The following PLAGL1 variants were observed in gnomAD, a reference collection of about 807,000 sequenced individuals.
PLAGL1 encodes the protein PLAG1 like zinc finger 1.
A neutral mutation model predicts 4.6 loss-of-function variants in PLAGL1; 1 was observed. That is an observed-to-expected ratio of 0.22 (90% confidence interval 0.08 to 1.03). The LOEUF is 1.03. PLAGL1 is among the 50% of genes least tolerant of loss of function. The pLI is 0.58. For synonymous variants in PLAGL1, 240 were observed against 237.8 expected (o/e 1.01, Z -0.08); for missense variants, 464 against 570.4 (o/e 0.81, Z 1.90).
Position 144,022,162 on chromosome 6 carries a change from A to G in PLAGL1, c.-151+42306T>C, listed in dbSNP as rs1361232877. Among the ~76,000 whole-genome samples the G allele has an allele frequency of 3.9e-5, 6 of 152,162 alleles. No individual in the cohort carries two copies. Among genetic ancestry groups the G allele is most frequent in the Non-Finnish European group, 7.3e-5 (5 of 68,044 alleles). On this transcript the variant is annotated intron_variant, in intron 1 of 3. Transcript: ENST00000437412. The surrounding 1 kb of genome is among the most constrained non-coding windows in gnomAD (Gnocchi z 4.2). ...ATCACATATCTGAGAAATAACTTAT[A>G]TTAAATATACAAAGAACACTTAAAA...
At chr6:144,032,043 TTTTCCCCTTTACCTA>T (rs1169719551) in intron 1 of PLAGL1, among the ~76,000 whole-genome samples, 2 of 152,158 alleles carry the variant, frequency 1.3e-5, no homozygotes, top group Admixed American at 1.3e-4. Flanking sequence ...CATGATGACC[TTTTCCCCTTTACCTA>T]TTTGGGCACA....
chr6:143,941,625 G>C lies in PLAGL1; in HGVS notation c.1191C>G (p.Thr397=). The C allele has an allele frequency of 6.2e-7, 1 of 1,614,040 alleles. No individual in the cohort carries two copies. The highest frequency in any genetic ancestry group is 8.5e-7 in the Non-Finnish European group (1 of 1,179,914). ...WQLPPPATQN[T]FGNSTLALGP... is the part of the protein sequence containing the mutation. Reference sequence around the variant, plus strand: ...CCAGGGCAAGAGTGCTATTCCCAAAGGTATTTTGGGTAGCAGGAGGGGGCA... The same window carrying C: ...CCAGGGCAAGAGTGCTATTCCCAAACGTATTTTGGGTAGCAGGAGGGGGCA... Residue 397 remains threonine, a synonymous_variant, in exon 8 of 8, where the codon ACC becomes ACG. Coordinates refer to ENST00000674357, the MANE Select transcript of PLAGL1 (RefSeq NM_001317162.2). This position sits in a 1 kb window ranked among gnomAD's most constrained non-coding sequence, Gnocchi z 6.0.
rs767555470 is a variant in PLAGL1, at chr6:143,990,777, G to A, written c.-583-5603C>T. ...AGGATATTAAAGACTTCATCTTCCCGGGACCCAACCCCTCTTTCCTCCCTT... is the reference window on the plus strand; with the variant it reads ...AGGATATTAAAGACTTCATCTTCCCAGGACCCAACCCCTCTTTCCTCCCTT... On this transcript the variant is annotated intron_variant, in intron 1 of 7. Coordinates refer to ENST00000674357, the MANE Select transcript of PLAGL1 (RefSeq NM_001317162.2). This position sits in a 1 kb window ranked among gnomAD's most constrained non-coding sequence, Gnocchi z 5.4. 2.6e-5 allele frequency among the ~76,000 whole-genome samples: 4 copies of A among 152,128 alleles called. No individual in the cohort carries two copies. Among genetic ancestry groups the A allele is most frequent in the African/African-American group, 7.2e-5 (3 of 41,418 alleles).
In PLAGL1 at chr6:143,964,474, C is replaced by T. The variant is rs962123033; in HGVS notation, c.-399+313G>A. 6.6e-6 allele frequency among the ~76,000 whole-genome samples: 1 copy of T among 152,150 alleles called. No homozygotes were observed. Among genetic ancestry groups the T allele is most frequent in the African/African-American group, 2.4e-5 (1 of 41,426 alleles). On this transcript the variant is annotated intron_variant, in intron 5 of 7. Coordinates refer to ENST00000674357, the MANE Select transcript of PLAGL1 (RefSeq NM_001317162.2). The surrounding 1 kb of genome is among the most constrained non-coding windows in gnomAD (Gnocchi z 4.3). ...CCGTTTTCATTATGGGGAATGAAAA[C>T]AGTAATGCTTCTTGCATAGTTGACA... is the stretch of plus-strand genomic sequence containing the variant.
intron 1 of PLAGL1, among the ~76,000 whole-genome samples, chr6:144,017,397 C>A (rs1795639502): frequency 6.6e-6 from 1 of 152,124 alleles, no homozygotes; most frequent in Admixed American, 6.5e-5. Context: ...CAAGGGCTCC[C>A]ATGATAACAT....
At chr6:144,017,905 C>A (rs944951109) in intron 1 of PLAGL1, among the ~76,000 whole-genome samples, 2 of 152,274 alleles carry the variant, frequency 1.3e-5, no homozygotes, top group South Asian at 2.1e-4. Context: ...GTCTCCTTCA[C>A]TGGATTCCCT....
At chr6:144,046,418 T>C (rs1407863126) in intron 1 of PLAGL1, among the ~76,000 whole-genome samples, 2 of 152,206 alleles carry the variant, frequency 1.3e-5, no homozygotes, top group Non-Finnish European at 2.9e-5. Context: ...TTCTGTTTGT[T>C]AGTTTTCCTT....
chr6:144,042,455 G>C (rs1176671049), intron 1 of PLAGL1, among the ~76,000 whole-genome samples: 1 of 152,034 alleles, frequency 6.6e-6, no homozygotes, highest in Non-Finnish European at 1.5e-5. Flanking sequence ...TCTTGTTTTT[G>C]TCAGGTTTGT....
intron 1 of PLAGL1, among the ~76,000 whole-genome samples, chr6:144,051,224 C>T (rs1213849002): frequency 6.6e-6 from 1 of 152,164 alleles, no homozygotes; most frequent in Non-Finnish European, 1.5e-5. Context: ...TGAATCCACT[C>T]AATACAGGAA....
rs1439082819 is a variant in PLAGL1 at position 144,015,342 on chromosome 6, A to C, written c.-150-46364T>G. Among the ~76,000 whole-genome samples, 4 of 152,244 alleles carry C rather than the reference A, an allele frequency of 2.6e-5. No homozygotes were observed. The highest frequency in any genetic ancestry group is 9.6e-5 in the African/African-American group (4 of 41,462). ...AGCTTACATGATATTTCTGTTTGAC[A>C]ACACTGTTTTAGAAGAAAACCTAGG... On this transcript the variant is annotated intron_variant, in intron 1 of 3. Transcript: ENST00000437412. This position sits in a 1 kb window ranked among gnomAD's most constrained non-coding sequence, Gnocchi z 4.3.
chr6:144,045,991 G>A (rs1361192017), intron 1 of PLAGL1, among the ~76,000 whole-genome samples: 2 of 152,118 alleles, frequency 1.3e-5, no homozygotes, highest in Non-Finnish European at 2.9e-5. Context: ...TGAAGCTTGT[G>A]CATGCGTCAC....
chr6:144,020,955 A>C (rs1449532688), intron 1 of PLAGL1, among the ~76,000 whole-genome samples: 1 of 149,286 alleles, frequency 6.7e-6, no homozygotes, highest in African/African-American at 2.4e-5. Flanking sequence ...TAACAAATAT[A>C]TGTATATATG....
At chr6:143,967,496 C>T (rs1784629706) in intron 3 of PLAGL1, 1 of 152,124 alleles carries the variant, frequency 6.6e-6, no homozygotes, top group South Asian at 2.1e-4. Context: ...TTTCTATTAT[C>T]CCTGTGCTTT....
At chr6:143,944,355 C>A (rs1779295811) in intron 7 of PLAGL1, among the ~76,000 whole-genome samples, 1 of 152,126 alleles carries the variant, frequency 6.6e-6, no homozygotes, top group Non-Finnish European at 1.5e-5. Flanking sequence ...TAGAGGCCAA[C>A]TGGAAGCCAG....
chr6:143,983,105 A>G lies in PLAGL1; in HGVS notation c.-544+2030T>C, dbSNP rs1788307846. On this transcript the variant is annotated intron_variant, in intron 2 of 7. Coordinates refer to ENST00000674357, the MANE Select transcript of PLAGL1 (RefSeq NM_001317162.2). This position sits in a 1 kb window ranked among gnomAD's most constrained non-coding sequence, Gnocchi z 6.6. ...AGGACAATGAGGATGTAACTGCAAG[A>G]AAGATAAGAGTAGTCACATGCAATA... 6.6e-6 allele frequency among the ~76,000 whole-genome samples: 1 copy of G among 152,192 alleles called. No homozygotes were observed. The highest frequency in any genetic ancestry group is 1.5e-5 in the Non-Finnish European group (1 of 68,020).
chr6:144,011,577 G>A (rs186898170), upstream of PLAGL1, among the ~76,000 whole-genome samples: 1 of 152,142 alleles, frequency 6.6e-6, no homozygotes, highest in Non-Finnish European at 1.5e-5. This position sits in a 1 kb window ranked among gnomAD's most constrained non-coding sequence, Gnocchi z 4.3. Flanking sequence ...CCAATTTATA[G>A]ATTATGTTCT....
chr6:144,026,787 C>T (rs1796373689), intron 1 of PLAGL1, among the ~76,000 whole-genome samples: 1 of 152,212 alleles, frequency 6.6e-6, no homozygotes, highest in African/African-American at 2.4e-5. Context: ...CTGCAAACCA[C>T]TGTAACTACT....
chr6:144,047,452 A>AT (rs1318626202), intron 1 of PLAGL1, among the ~76,000 whole-genome samples: 1 of 152,166 alleles, frequency 6.6e-6, no homozygotes, highest in Non-Finnish European at 1.5e-5. Flanking sequence ...AGATGGGGTA[A>AT]TTTTTAAAGT....
At position 143,983,169 on chromosome 6, in the gene PLAGL1, GAGA is replaced by G. The variant is rs200967056; in HGVS notation, c.-544+1963_-544+1965del. On this transcript the variant is annotated intron_variant, in intron 2 of 7. Transcript: ENST00000674357. This position sits in a 1 kb window ranked among gnomAD's most constrained non-coding sequence, Gnocchi z 6.6. Reference sequence around the variant, plus strand: ...GAAAGTGTGCAGACTCAGAAGACAAGAGAAGAACATACTTCACAGAGCAGCATG... The same window carrying G: ...GAAAGTGTGCAGACTCAGAAGACAAGAGAACATACTTCACAGAGCAGCATG... 9.3e-3 allele frequency among the ~76,000 whole-genome samples: 1,409 copies of G among 152,238 alleles called. 21 individuals carry two copies. Among genetic ancestry groups the G allele is most frequent in the African/African-American group, 0.032 (1,332 of 41,510 alleles).
Sources: allele counts gnomAD v4.1 joint callset (sites outside exome capture counted in the v4.1 genomes callset), GRCh38; gene constraint gnomAD v4.1.1; non-coding constraint Gnocchi (gnomAD v3.1); transcripts MANE v1.5; gene names NCBI Gene and HGNC (gene_info 2026-07-23, HGNC 2026-07-21).